RANBP2: variants seen among roughly 807,000 people sequenced by gnomAD.
RANBP2 encodes the protein RAN binding protein 2, also known as E3 SUMO-protein ligase RanBP2.
A neutral mutation model predicts 303.6 loss-of-function variants in RANBP2; 57 were observed. The ratio of observed to expected loss-of-function variants is 0.19; its 90% CI spans 0.15 to 0.23. RANBP2 has a LOEUF of 0.23. RANBP2 is among the 10% of genes least tolerant of loss of function. RANBP2 has a pLI of 1.00. For missense variants in RANBP2, 3,138 were observed against 3,780.8 expected (o/e 0.83, Z 4.46); for synonymous variants, 1,167 against 1,301.5 (o/e 0.90, Z 2.23).
At chr2:109,293,128 G>C in the RANBP2 span, among the ~76,000 whole-genome samples, 5 of 152,226 alleles carry the variant, frequency 3.3e-5, no homozygotes, top group Non-Finnish European at 5.9e-5. Flanking sequence ...GGACACACTA[G>C]AAGGAATGGG....
chr2:109,123,021 A>G, the RANBP2 span, among the ~76,000 whole-genome samples: 2 of 152,192 alleles, frequency 1.3e-5, no homozygotes, highest in African/African-American at 2.4e-5. Context: ...GTAACATGAG[A>G]AACAGGCTTG....
the RANBP2 span, among the ~76,000 whole-genome samples, chr2:109,339,045 C>T: frequency 6.6e-6 from 1 of 152,118 alleles, no homozygotes; most frequent in Non-Finnish European, 1.5e-5. Flanking sequence ...GTATTTACTA[C>T]TCATTAAGTG....
At chr2:109,500,671 A>G in the RANBP2 span, among the ~76,000 whole-genome samples, 20,906 of 152,164 alleles carry the variant, frequency 0.14, 1,818 homozygotes, top group East Asian at 0.29. Flanking sequence ...AGGACAGGTT[A>G]GGCACGGTGG....
the RANBP2 span, chr2:108,930,328 G>T: frequency 7.6e-6 from 12 of 1,572,044 alleles, no homozygotes; most frequent in Non-Finnish European, 9.6e-6. Context: ...GACATAGGAA[G>T]GGGGTGCCCT....
the RANBP2 span, among the ~76,000 whole-genome samples, chr2:109,437,476 G>A: frequency 6.6e-6 from 1 of 152,182 alleles, no homozygotes; most frequent in Non-Finnish European, 1.5e-5. Context: ...ATTTCATTGT[G>A]GCAAGAGGGC....
chr2:109,544,038 G>T, the RANBP2 span: 3 of 943,508 alleles, frequency 3.2e-6, no homozygotes, highest in Admixed American at 8.6e-5. Context: ...TCCACTTGTG[G>T]GGTCAAGTCA....
chr2:108,736,588 G>A (rs765661161), intron 6 of RANBP2, among the ~76,000 whole-genome samples: 1 of 152,184 alleles, frequency 6.6e-6, no homozygotes, highest in Non-Finnish European at 1.5e-5. Context: ...ATAATCTTGA[G>A]TGAAAATTAA....
chr2:108,753,619 T>A, intron 14 of RANBP2, 56 bp downstream of exon 14: 1 of 1,593,104 alleles, frequency 6.3e-7, no homozygotes. Context: ...ATTATTTTTT[T>A]AAAAGACGGG....
chr2:108,900,560 GAA>G, the RANBP2 span, among the ~76,000 whole-genome samples: 1 of 43,462 alleles, frequency 2.3e-5, no homozygotes, highest in Non-Finnish European at 6.9e-5. Flanking sequence ...CAAAAAAAAA[GAA>G]AAAAAAAAAA....
At position 108,762,203 on chromosome 2, in the gene RANBP2, A is replaced by C. The variant is rs1365789119; in HGVS notation, c.2697+8A>C. Reference sequence around the variant, plus strand: ...AATGTTACTCCCACAAAGGTAACAAAGGAATAATTTATACATTTATAATTA... The same window carrying C: ...AATGTTACTCCCACAAAGGTAACAACGGAATAATTTATACATTTATAATTA... On this transcript the variant is annotated splice_region_variant and intron_variant, in intron 19 of 28. Coordinates refer to ENST00000283195, the MANE Select transcript of RANBP2 (RefSeq NM_006267.5). The C allele has an allele frequency of 1.3e-6, 2 of 1,573,154 alleles. No individual in the cohort carries two copies. Among genetic ancestry groups the C allele is most frequent in the Middle Eastern group, 2.3e-4 (1 of 4,338 alleles).
At chr2:109,766,332 T>C in the RANBP2 span, among the ~76,000 whole-genome samples, 2 of 150,740 alleles carry the variant, frequency 1.3e-5, no homozygotes, top group Non-Finnish European at 2.9e-5. Flanking sequence ...GTGGAGGAGC[T>C]CAGCCCTTGT....
rs1675618286 is a variant in RANBP2, at chr2:108,748,972, T to C, written c.1116T>C (p.Ile372=). ...SRGKQDFLKE[I]VETFANKSGQ... ...GCAAGCAAGATTTTTTAAAAGAGAT[T>C]GTTGAAACTTTTGCCAACAAAAGCG... Residue 372 remains isoleucine, a synonymous_variant, in exon 9 of 29, where the codon ATT becomes ATC. Transcript: ENST00000283195. The C allele has an allele frequency of 3.1e-6, 5 of 1,612,000 alleles. No homozygotes were observed. The highest frequency in any genetic ancestry group is 3.4e-6 in the Non-Finnish European group (4 of 1,179,860).
At chr2:109,765,540 G>C in the RANBP2 span, among the ~76,000 whole-genome samples, 2 of 150,442 alleles carry the variant, frequency 1.3e-5, no homozygotes, top group East Asian at 2.0e-4. Flanking sequence ...CTGCCCGCTT[G>C]AGGGGGCATG....
chr2:109,592,540 G>GA, the RANBP2 span, among the ~76,000 whole-genome samples: 13 of 151,798 alleles, frequency 8.6e-5, no homozygotes, highest in Admixed American at 1.3e-4. Flanking sequence ...AGCACTTTGG[G>GA]AGGCTGAGGT....
At chr2:108,831,316 A>G in the RANBP2 span, among the ~76,000 whole-genome samples, 1 of 152,238 alleles carries the variant, frequency 6.6e-6, no homozygotes, top group Non-Finnish European at 1.5e-5. Flanking sequence ...CAAAGAGTTC[A>G]CAGTTCCCTA....
At chr2:109,277,505 G>A in the RANBP2 span, among the ~76,000 whole-genome samples, 13 of 152,166 alleles carry the variant, frequency 8.5e-5, no homozygotes, top group Admixed American at 1.3e-4. Flanking sequence ...CTGCATCTCC[G>A]AGCAGTCCGT....
rs1355229629 is a variant in RANBP2, at chr2:108,781,356, A to G, written c.8687A>G (p.Asp2896Gly). The change falls in exon 26 of 29, where the codon GAT (aspartate) becomes GGT (glycine). Residue 2896 changes from aspartate (D) to glycine (G), a missense_variant. This residue lies in a region of RANBP2 where 68 missense variants were observed against 117.4 expected (regional missense o/e 0.58). Transcript: ENST00000283195. ...GTQSAGKVGEDEDGSDEEVVH... is the reference protein window; with the variant it reads ...GTQSAGKVGEGEDGSDEEVVH... ...CAGTCAGCCGGTAAAGTTGGTGAAG[A>G]TGAAGATGGTAGTGATGAAGAAGTA... is the stretch of plus-strand genomic sequence containing the variant. 1 of 1,614,210 alleles carries G rather than the reference A, an allele frequency of 6.2e-7. No homozygotes were observed. The highest frequency in any genetic ancestry group is 1.7e-5 in the Admixed American group (1 of 60,022).
chr2:109,644,792 AC>A, the RANBP2 span, among the ~76,000 whole-genome samples: 1 of 151,992 alleles, frequency 6.6e-6, no homozygotes, highest in Non-Finnish European at 1.5e-5. Flanking sequence ...CTAAACCTGG[AC>A]CTTGTTTTCT....
chr2:109,269,963 A>C, the RANBP2 span, among the ~76,000 whole-genome samples: 189 of 152,356 alleles, frequency 1.2e-3, 1 homozygote, highest in African/African-American at 4.2e-3. Context: ...GAGAATTCCT[A>C]GCTGTACAGA....
Sources: gnomAD v4.1 joint callset for allele counts (sites outside exome capture counted in the v4.1 genomes callset) on GRCh38, gnomAD v4.1.1 for gene constraint, gnomAD v4.1.1 regional missense constraint, MANE v1.5 for transcripts, NCBI Gene and HGNC (gene_info 2026-07-23, HGNC 2026-07-21) for gene names.